Variants in PDE11A observed in about 807,000 individuals in gnomAD.
PDE11A encodes the protein phosphodiesterase 11A, also known as dual 3',5'-cyclic-AMP and -GMP phosphodiesterase 11A.
In PDE11A, 100 loss-of-function variants were observed where a neutral mutation model predicts 100.5. The observed-to-expected ratio is 1.00, with a 90% CI of 0.85 to 1.18. PDE11A has a LOEUF of 1.18. PDE11A is among the 50% of genes most tolerant of loss of function. The pLI is 0.00. For synonymous variants in PDE11A, 381 were observed against 420.8 expected, an observed-to-expected ratio of 0.91 and a Z score of 1.16; for missense variants, 1,141 against 1,152.6, an observed-to-expected ratio of 0.99 and a Z score of 0.15.
chr2:177,640,811 C>G lies in PDE11A; in HGVS notation c.2647-11249G>C, dbSNP rs370538009. On this transcript the variant is annotated intron_variant, in intron 19 of 19. Transcript: ENST00000286063. Reference sequence around the variant, plus strand: ...CACCTTCCCTCAAGCCTTCCTCTTACGTTTACTCTGTCAGGGAACTGGGCA... The same window carrying G: ...CACCTTCCCTCAAGCCTTCCTCTTAGGTTTACTCTGTCAGGGAACTGGGCA... 2.6e-5 allele frequency among the ~76,000 whole-genome samples: 4 copies of G among 152,318 alleles called. No individual in the cohort carries two copies. In the East Asian group the frequency reaches 5.8e-4, roughly 22 times the overall value.
chr2:177,855,339 C>A (rs1483347732), intron 5 of PDE11A, among the ~76,000 whole-genome samples: 2 of 151,904 alleles, frequency 1.3e-5, no homozygotes, highest in African/African-American at 4.8e-5. Context: ...AAAATTTGCG[C>A]CTCCATAAAA....
At chr2:177,753,836 C>G (rs2082055399) in intron 10 of PDE11A, among the ~76,000 whole-genome samples, 1 of 151,390 alleles carries the variant, frequency 6.6e-6, no homozygotes. Context: ...AACTACCTGC[C>G]CTGGTGTGGT....
intron 4 of PDE11A, among the ~76,000 whole-genome samples, chr2:177,881,361 AT>A (rs2084337966): frequency 6.6e-6 from 1 of 150,674 alleles, no homozygotes; most frequent in Non-Finnish European, 1.5e-5. Flanking sequence ...CTATCTATCT[AT>A]CTATCTATCT....
intron 9 of PDE11A, among the ~76,000 whole-genome samples, chr2:177,812,914 T>C (rs1010779984): frequency 1.1e-5 from 1 of 91,296 alleles, no homozygotes; most frequent in Non-Finnish European, 2.2e-5. Flanking sequence ...GCAGGCATTA[T>C]ATAGAATTTG....
intron 1 of PDE11A, among the ~76,000 whole-genome samples, chr2:178,037,518 TG>T (rs2086628953): frequency 6.6e-6 from 1 of 152,238 alleles, no homozygotes; most frequent in Non-Finnish European, 1.5e-5. Flanking sequence ...ATCCCATTAC[TG>T]GGTATATACC....
chr2:177,973,253 G>T (rs2085796666), intron 2 of PDE11A, among the ~76,000 whole-genome samples: 1 of 132,822 alleles, frequency 7.5e-6, no homozygotes, highest in Non-Finnish European at 1.6e-5. Flanking sequence ...GCCGAAGCAG[G>T]GCGAGGCATT....
intron 2 of PDE11A, among the ~76,000 whole-genome samples, chr2:178,087,624 G>A (rs537565112): frequency 1.3e-5 from 2 of 151,964 alleles, no homozygotes; most frequent in Non-Finnish European, 2.9e-5. Context: ...TTACTTAATG[G>A]GTACAGTGTA....
At position 177,789,006 on chromosome 2, in the gene PDE11A, A is replaced by G. The variant is rs1315800726; in HGVS notation, c.1738-19633T>C. Reference sequence around the variant, plus strand: ...TCCCTCTGAAACTATTCCAATCAACAGAAAAAGAGGGAATTCTCCCTAACT... The same window carrying G: ...TCCCTCTGAAACTATTCCAATCAACGGAAAAAGAGGGAATTCTCCCTAACT... On this transcript the variant is annotated intron_variant, in intron 9 of 19. Coordinates refer to ENST00000286063, the MANE Select transcript of PDE11A (RefSeq NM_016953.4). Among the ~76,000 whole-genome samples the G allele has an allele frequency of 2.0e-5, 3 of 152,276 alleles. No individual in the cohort carries two copies. In the East Asian group the frequency reaches 5.8e-4, roughly 29 times the overall value.
intron 4 of PDE11A, among the ~76,000 whole-genome samples, chr2:177,895,374 G>A (rs1048409265): frequency 1.6e-4 from 24 of 152,026 alleles, no homozygotes; most frequent in African/African-American, 5.8e-4. Context: ...CCAACATGGC[G>A]AAACTCTGAC....
chr2:177,932,263 G>A (rs2105764572), intron 2 of PDE11A, among the ~76,000 whole-genome samples: 1 of 152,158 alleles, frequency 6.6e-6, no homozygotes, highest in African/African-American at 2.4e-5. Flanking sequence ...ACTATAATTA[G>A]TCTAAAAAAT....
intron 4 of PDE11A, among the ~76,000 whole-genome samples, chr2:177,888,001 T>G (rs746990224): frequency 1.3e-5 from 2 of 152,050 alleles, no homozygotes; most frequent in Non-Finnish European, 2.9e-5. Context: ...CCTGGAGACT[T>G]CTAGTCATGT....
intron 16 of PDE11A, among the ~76,000 whole-genome samples, chr2:177,679,534 A>T (rs79751093): frequency 6.6e-6 from 1 of 152,106 alleles, no homozygotes; most frequent in Non-Finnish European, 1.5e-5. Context: ...AGCTCAAAGG[A>T]GATCTGGGGG....
chr2:177,958,347 C>A (rs1238915826), intron 2 of PDE11A, among the ~76,000 whole-genome samples: 1 of 152,204 alleles, frequency 6.6e-6, no homozygotes, highest in Admixed American at 6.5e-5. Flanking sequence ...AAGAATAGTG[C>A]AAGCCCTTTG....
intron 19 of PDE11A, among the ~76,000 whole-genome samples, chr2:177,661,171 G>A (rs541782612): frequency 1.8e-4 from 28 of 152,344 alleles, no homozygotes; most frequent in African/African-American, 5.1e-4. Context: ...TTTGTCTCAT[G>A]TGTACTCCTC....
At chr2:178,048,350 G>C (rs1345584531) in intron 1 of PDE11A, among the ~76,000 whole-genome samples, 1 of 152,152 alleles carries the variant, frequency 6.6e-6, no homozygotes, top group Non-Finnish European at 1.5e-5. Context: ...TGGGGGCGCG[G>C]CATGAAAGAA....
chr2:177,800,203 G>A (rs566338993), intron 9 of PDE11A, among the ~76,000 whole-genome samples: 1 of 150,396 alleles, frequency 6.6e-6, no homozygotes, highest in Admixed American at 6.6e-5. Context: ...TTTGAAACAG[G>A]GTCTTGCTTT....
chr2:177,778,783 C>T (rs1389595375), intron 9 of PDE11A, among the ~76,000 whole-genome samples: 2 of 152,162 alleles, frequency 1.3e-5, no homozygotes, highest in East Asian at 1.9e-4. Context: ...ACTGAACAGA[C>T]GCGTTGAAAC....
rs182509773 is a variant in PDE11A at position 178,025,419 on chromosome 2, T to A, written c.913-10959A>T. ...ATGTTGTTTGGGGCATTATCCCTTT[T>A]TTTAGTCACGTTGCTAAAGTAAACT... On this transcript the variant is annotated intron_variant, in intron 1 of 19. Transcript: ENST00000286063. 1.4e-3 allele frequency among the ~76,000 whole-genome samples: 213 copies of A among 152,348 alleles called. 1 individual carries two copies. The highest frequency in any genetic ancestry group is 6.6e-4 in the Non-Finnish European group (45 of 68,032).
chr2:178,090,658 T>C (rs1378217092), intron 2 of PDE11A, among the ~76,000 whole-genome samples: 1 of 152,218 alleles, frequency 6.6e-6, no homozygotes, highest in Non-Finnish European at 1.5e-5. Context: ...TCAAGTGCTT[T>C]CTCAGAGAGC....
Sources: allele counts gnomAD v4.1 joint callset (sites outside exome capture counted in the v4.1 genomes callset), GRCh38; gene constraint gnomAD v4.1.1; transcripts MANE v1.5; gene names NCBI Gene and HGNC (gene_info 2026-07-23, HGNC 2026-07-21).